PXDN: variants seen among roughly 807,000 people sequenced by gnomAD.
PXDN encodes the protein peroxidasin homolog.
PXDN carries 77 observed loss-of-function variants against 140.3 expected under a neutral mutation model. That is an observed-to-expected ratio of 0.55 (90% confidence interval 0.46 to 0.66). The LOEUF (loss-of-function observed/expected upper bound fraction) is 0.66. Ranked by LOEUF, PXDN falls within the 30% of genes least tolerant of loss-of-function variation. The pLI, the probability that PXDN is intolerant of heterozygous loss-of-function variation, is 0.00. For synonymous variants in PXDN, 911 were observed against 857.4 expected (o/e 1.06, Z -1.09); for missense variants, 1,838 against 2,039.5 (o/e 0.90, Z 1.90).
At chr2:1,664,757 T>C in intron 11 of PXDN, 2 of 551,962 alleles carry the variant, frequency 3.6e-6, no homozygotes, top group East Asian at 5.8e-5. Context: ...ATGATGTCCA[T>C]GAGGGACGGC....
At position 1,635,704 on chromosome 2, in the gene PXDN, A is replaced by AC. The variant is rs1682536283; in HGVS notation, c.4207-184dup. On this transcript the variant is annotated intron_variant, in intron 21 of 22. Coordinates refer to ENST00000252804, the MANE Select transcript of PXDN (RefSeq NM_012293.3). ...TATTAGACTGGCGGCAGCTGACCAC[A>AC]CGCCCCAATGGAAGACATTCCCACC... 9 of 615,592 alleles carry AC rather than the reference A, an allele frequency of 1.5e-5. No homozygotes were observed. The South Asian group carries it at 1.6e-4, about 11-fold the overall frequency. The allele number at this position is 615,592 out of a possible 1,614,324, so 38.1% of individuals were successfully genotyped here.
intron 9 of PXDN, among the ~76,000 whole-genome samples, chr2:1,669,151 G>A (rs527451275): frequency 9.2e-5 from 14 of 152,162 alleles, no homozygotes; most frequent in Middle Eastern, 3.2e-3. Context: ...TCCTTTGCAG[G>A]AACATGGAAA....
chr2:1,647,844 C>T (rs1043747184), intron 17 of PXDN, among the ~76,000 whole-genome samples: 1 of 152,188 alleles, frequency 6.6e-6, no homozygotes, highest in Non-Finnish European at 1.5e-5. Context: ...GTATTTTTCC[C>T]TGCAGTCAAC....
chr2:1,680,474 G>A lies in PXDN; in HGVS notation c.561-112C>T, dbSNP rs1683871805. 6 of 1,329,058 alleles carry A rather than the reference G, an allele frequency of 4.5e-6. No individual in the cohort carries two copies. In the African/African-American group the frequency reaches 8.7e-5, roughly 19 times the overall value. 82.3% of individuals were successfully genotyped at this position (1,329,058 alleles called of 1,614,324 possible). A position where few individuals can be genotyped will look rare whatever the true frequency, so the allele number is the denominator to read the frequency against. ...CGGGAAACATGTGCCAGGCCTGCCAGGCTTGCGACATGGGGATGGGACACG... is the reference window on the plus strand; with the variant it reads ...CGGGAAACATGTGCCAGGCCTGCCAAGCTTGCGACATGGGGATGGGACACG... On this transcript the variant is annotated intron_variant, in intron 6 of 22. Transcript: ENST00000252804.
At chr2:1,658,078 CTCTCT>C (rs1683204540) in intron 14 of PXDN, among the ~76,000 whole-genome samples, 2 of 78,018 alleles carry the variant, frequency 2.6e-5, no homozygotes, top group African/African-American at 4.8e-5. Context: ...CTCTCTCTCT[CTCTCT>C]CTCTCTCTCT....
rs1021555905 is a variant in PXDN, at chr2:1,639,199, A to G, written c.4073+103T>C. The stretch of plus-strand genomic sequence containing the variant: ...GTGCCCTGGGACGTCCCTGCCAGGA[A>G]CCATCCTCGCCACAGGCCCACAGCA... On this transcript the variant is annotated intron_variant, in intron 20 of 22. Transcript: ENST00000252804. The surrounding 1 kb of genome is among the most constrained non-coding windows in gnomAD (Gnocchi z 5.0). 70 of 1,519,856 alleles carry G rather than the reference A, an allele frequency of 4.6e-5. No homozygotes were observed. Among genetic ancestry groups the G allele is most frequent in the Non-Finnish European group, 5.7e-5 (64 of 1,128,178 alleles). The allele number at this position is 1,519,856 out of a possible 1,614,324, so 94.1% of individuals were successfully genotyped here.
At position 1,744,025 on chromosome 2, in the gene PXDN, T is replaced by G. The variant is rs62116429; in HGVS notation, c.200+231A>C. 0.5 allele frequency among the ~76,000 whole-genome samples: 76,100 copies of G among 151,770 alleles called. 19,509 individuals are homozygous for G. Among genetic ancestry groups the G allele is most frequent in the Admixed American group, 0.57 (8,751 of 15,270 alleles). On this transcript the variant is annotated intron_variant, in intron 1 of 22. Transcript: ENST00000252804. Reference sequence around the variant, plus strand: ...CGAAGGCCGCGCGCACAGCGCTCTGTTCCGCCCCTCGGCGTCTCCCGCAGG... The same window carrying G: ...CGAAGGCCGCGCGCACAGCGCTCTGGTCCGCCCCTCGGCGTCTCCCGCAGG...
At chr2:1,724,183 T>C (rs983856627) in intron 1 of PXDN, among the ~76,000 whole-genome samples, 1 of 152,234 alleles carries the variant, frequency 6.6e-6, no homozygotes, top group African/African-American at 2.4e-5. Flanking sequence ...TGCCTGAAAG[T>C]TGTTATAGTC....
chr2:1,675,663 C>G (rs73910831), intron 8 of PXDN, among the ~76,000 whole-genome samples: 1 of 152,092 alleles, frequency 6.6e-6, no homozygotes, highest in African/African-American at 2.4e-5. Flanking sequence ...TGTTCCTGAC[C>G]ACTGGGGATG....
rs371819783 is a variant in PXDN, at chr2:1,643,473, G to A, written c.3847C>T (p.Arg1283Trp). 1.1e-5 allele frequency: 17 copies of A among 1,613,800 alleles called. No individual in the cohort carries two copies. Among genetic ancestry groups the A allele is most frequent in the East Asian group, 2.2e-5 (1 of 44,870 alleles). ...ILCDNADNIT[R>W]VQSDVFRVAE... is the part of the protein sequence containing the mutation. The stretch of plus-strand genomic sequence containing the variant: ...ACCCTGAACACGTCGCTCTGCACCC[G>A]GGTGATGTTGTCCGCGTTGTCGCAT... Residue 1283 changes from arginine to tryptophan, a missense_variant, in exon 19 of 23, where the codon CGG becomes TGG. Physicochemically the swap from Arg to Trp is moderately radical, Grantham distance 101. This residue lies in a region of PXDN where 850 missense variants were observed against 894.1 expected (regional missense o/e 0.95). Coordinates refer to ENST00000252804, the MANE Select transcript of PXDN (RefSeq NM_012293.3).
intron 1 of PXDN, among the ~76,000 whole-genome samples, chr2:1,706,430 CTAA>C (rs1159877258): frequency 6.6e-6 from 1 of 152,292 alleles, no homozygotes; most frequent in African/African-American, 2.4e-5. Context: ...ACCTGCCCCA[CTAA>C]TAATACAACC....
chr2:1,650,876 A>G (rs1373834153), intron 16 of PXDN, among the ~76,000 whole-genome samples: 1 of 152,114 alleles, frequency 6.6e-6, no homozygotes, highest in Non-Finnish European at 1.5e-5. Context: ...CACAGGTATC[A>G]CTATGGACAC....
At chr2:1,672,524 A>C (rs1683600743) in intron 9 of PXDN, among the ~76,000 whole-genome samples, 1 of 152,216 alleles carries the variant, frequency 6.6e-6, no homozygotes, top group Admixed American at 6.5e-5. Flanking sequence ...GCACAGGCCC[A>C]CAGCATTCTG....
At chr2:1,657,312 C>T (rs1036254349) in intron 14 of PXDN, among the ~76,000 whole-genome samples, 1 of 151,446 alleles carries the variant, frequency 6.6e-6, no homozygotes, top group East Asian at 2.0e-4. Flanking sequence ...GGACCTGCCC[C>T]TCCTGACAGA....
At position 1,649,736 on chromosome 2, in the gene PXDN, T is replaced by C. The variant is rs1268807060; in HGVS notation, c.2105-61A>G. The C allele has an allele frequency of 8.9e-6, 14 of 1,574,314 alleles. No homozygotes were observed. Among genetic ancestry groups the C allele is most frequent in the Non-Finnish European group, 1.1e-5 (13 of 1,146,860 alleles). Reference sequence around the variant, plus strand: ...CCCTGGAGGATGTGTGAGGGCCCGGTACCCCTTGGCACCTCTGCCGCTGAC... The same window carrying C: ...CCCTGGAGGATGTGTGAGGGCCCGGCACCCCTTGGCACCTCTGCCGCTGAC... On this transcript the variant is annotated intron_variant, in intron 16 of 22. Transcript: ENST00000252804. The surrounding 1 kb of genome is among the most constrained non-coding windows in gnomAD (Gnocchi z 7.1).
chr2:1,643,403 C>T lies in PXDN; in HGVS notation c.3917G>A (p.Arg1306Lys). Reference sequence around the variant, plus strand: ...GTCCTGCCACACCCGGAGGTCTACCCTGGGGATCTCGTCACAGCTGCCGTA... The same window carrying T: ...GTCCTGCCACACCCGGAGGTCTACCTTGGGGATCTCGTCACAGCTGCCGTA... Reference protein sequence around the residue: ...HGYGSCDEIPRVDLRVWQDCC... With the variant: ...HGYGSCDEIPKVDLRVWQDCC... Residue 1306 changes from arginine to lysine, a missense_variant, in exon 19 of 23, where the codon AGG becomes AAG. Arg to Lys is a conservative substitution (Grantham distance 26). Around this residue, in one of 5 missense-constraint regions of PXDN, gnomAD observed 850 missense variants for 894.1 expected, o/e 0.95. Transcript: ENST00000252804. 1 of 1,613,944 alleles carries T rather than the reference C, an allele frequency of 6.2e-7. No individual in the cohort carries two copies. Among genetic ancestry groups the T allele is most frequent in the Non-Finnish European group, 8.5e-7 (1 of 1,179,904 alleles).
chr2:1,708,034 G>A (rs1474468521), intron 1 of PXDN, among the ~76,000 whole-genome samples: 3 of 152,202 alleles, frequency 2.0e-5, no homozygotes, highest in Non-Finnish European at 2.9e-5. Context: ...CGAGAACAAG[G>A]GGGGCACGCC....
At chr2:1,655,959 C>T (rs1424816319) in intron 14 of PXDN, among the ~76,000 whole-genome samples, 1 of 151,766 alleles carries the variant, frequency 6.6e-6, no homozygotes, top group East Asian at 1.9e-4. Flanking sequence ...CACCCAGCAC[C>T]TTATAAATAA....
Position 1,634,079 on chromosome 2 carries a change from T to C in PXDN, c.*125A>G, listed in dbSNP as rs1682482304. 1 of 1,408,738 alleles carries C rather than the reference T, an allele frequency of 7.1e-7. No individual in the cohort carries two copies. The highest frequency in any genetic ancestry group is 1.5e-5 in the South Asian group (1 of 68,940). The allele number at this position is 1,408,738 out of a possible 1,614,324, so 87.3% of individuals were successfully genotyped here. A position where few individuals can be genotyped will look rare whatever the true frequency, so the allele number is the denominator to read the frequency against. On this transcript the variant is annotated 3_prime_UTR_variant, in exon 23 of 23. Coordinates refer to ENST00000252804, the MANE Select transcript of PXDN (RefSeq NM_012293.3). ...CACTGCCTTCTGTAACAGCACCAGC[T>C]GGACGTTGTCATGAAATGTCACGAG...
Sources: gnomAD v4.1 joint callset for allele counts (sites outside exome capture counted in the v4.1 genomes callset) on GRCh38, gnomAD v4.1.1 for gene constraint, gnomAD v4.1.1 regional missense constraint, Gnocchi (gnomAD v3.1) non-coding constraint, MANE v1.5 for transcripts, NCBI Gene and HGNC (gene_info 2026-07-23, HGNC 2026-07-21) for gene names.